Variants in BRINP1 observed in about 807,000 individuals in gnomAD.
BRINP1 encodes BMP/retinoic acid inducible neural specific 1.
A neutral mutation model predicts 72.9 loss-of-function variants in BRINP1; 17 were observed. That is an observed-to-expected ratio of 0.23 (90% CI 0.16 to 0.35). The LOEUF (loss-of-function observed/expected upper bound fraction) is 0.35, where lower values mean the gene tolerates loss of function less well. BRINP1 is among the 10% of genes least tolerant of loss of function. The pLI, the probability that BRINP1 is intolerant of heterozygous loss-of-function variation, is 1.00. For synonymous variants in BRINP1, 418 were observed against 378.5 expected (o/e 1.10, Z -1.21); for missense variants, 850 against 1,001.6 (o/e 0.85, Z 2.04).
intron 2 of BRINP1, among the ~76,000 whole-genome samples, chr9:119,285,201 CAAAAAAAA>C (rs58381406): frequency 1.3e-3 from 152 of 121,150 alleles, no homozygotes; most frequent in South Asian, 5.3e-3. Flanking sequence ...TTGCAGGCAT[CAAAAAAAA>C]AAAAAAAAAA....
chr9:119,295,498 T>C (rs7046400), intron 2 of BRINP1, among the ~76,000 whole-genome samples: 1,792 of 152,296 alleles, frequency 0.012, 23 homozygotes, highest in African/African-American at 0.04. Context: ...GCAATTGTAA[T>C]ACAATGGTAA....
intron 3 of BRINP1, among the ~76,000 whole-genome samples, chr9:119,246,117 G>A (rs1830313922): frequency 6.6e-6 from 1 of 152,216 alleles, no homozygotes; most frequent in Admixed American, 6.5e-5. Context: ...GACTACTATT[G>A]TAACTATTTA....
At chr9:119,257,385 T>C (rs998008359) in intron 2 of BRINP1, among the ~76,000 whole-genome samples, 11 of 152,184 alleles carry the variant, frequency 7.2e-5, no homozygotes, top group African/African-American at 2.7e-4. Context: ...AGCAACTCCA[T>C]GAGGGGCAAA....
chr9:119,185,647 T>A (rs1378205608), intron 7 of BRINP1, among the ~76,000 whole-genome samples: 1 of 152,188 alleles, frequency 6.6e-6, no homozygotes, highest in African/African-American at 2.4e-5. Context: ...AAAAGCAGGA[T>A]GACTCTATAG....
chr9:119,303,716 A>G (rs1232672580), intron 2 of BRINP1, among the ~76,000 whole-genome samples: 1 of 152,118 alleles, frequency 6.6e-6, no homozygotes, highest in Non-Finnish European at 1.5e-5. Context: ...CCTACGCTAC[A>G]AAGCACACCA....
chr9:119,343,071 G>A lies in BRINP1; in HGVS notation c.-51+25985C>T, dbSNP rs897294755. Among the ~76,000 whole-genome samples, 7 of 152,300 alleles carry A rather than the reference G, an allele frequency of 4.6e-5. No homozygotes were observed. In the East Asian group the frequency reaches 1.4e-3, roughly 29 times the overall value. On this transcript the variant is annotated intron_variant, in intron 1 of 7. Transcript: ENST00000265922. ...CGTTAGCAGAGTGCCTGCAACATAG[G>A]AAGCATGCACTATAATGCTTCCATT...
chr9:119,343,927 T>G (rs1035033593), intron 1 of BRINP1, among the ~76,000 whole-genome samples: 1 of 151,224 alleles, frequency 6.6e-6, no homozygotes, highest in East Asian at 2.0e-4. Context: ...AATGTTCTCT[T>G]ACTAGACCTA....
intron 1 of BRINP1, among the ~76,000 whole-genome samples, chr9:119,314,208 CA>C (rs1831101625): frequency 6.6e-6 from 1 of 152,138 alleles, no homozygotes; most frequent in African/African-American, 2.4e-5. Flanking sequence ...GGGGGTCTCG[CA>C]TGCTTCTTTT....
intron 5 of BRINP1, among the ~76,000 whole-genome samples, chr9:119,226,461 A>G (rs1190345798): frequency 6.6e-6 from 1 of 151,992 alleles, no homozygotes; most frequent in Non-Finnish European, 1.5e-5. Context: ...ATGGCTACAT[A>G]CCAAGAAGTA....
At chr9:119,248,107 G>A (rs1311430702) in intron 3 of BRINP1, among the ~76,000 whole-genome samples, 1 of 152,156 alleles carries the variant, frequency 6.6e-6, no homozygotes, top group East Asian at 1.9e-4. Flanking sequence ...TGTCTCTGAA[G>A]GAGAAGATCC....
chr9:119,303,291 GACACACACACAC>G (rs35386714), intron 2 of BRINP1, among the ~76,000 whole-genome samples: 2 of 117,456 alleles, frequency 1.7e-5, no homozygotes, highest in South Asian at 3.0e-4. Context: ...CACACACACA[GACACACACACAC>G]ACACACACAC....
intron 1 of BRINP1, among the ~76,000 whole-genome samples, chr9:119,324,990 C>T (rs1247639090): frequency 2.0e-5 from 3 of 151,984 alleles, no homozygotes; most frequent in Non-Finnish European, 2.9e-5. Context: ...ATCCCAGCTA[C>T]TCGGGAGGCT....
At chr9:119,271,812 C>T (rs925055760) in intron 2 of BRINP1, among the ~76,000 whole-genome samples, 7 of 151,714 alleles carry the variant, frequency 4.6e-5, no homozygotes, top group South Asian at 2.1e-4. Flanking sequence ...CACACAAACA[C>T]GTGCAAATTT....
rs980669248 is a variant in BRINP1, at chr9:119,211,843, C to T, written c.922+2076G>A. ...TTTGGGGAGAAAGTGTGACATAAAT[C>T]ATTTTCTTGGCCTGTTCAGCTTATT... On this transcript the variant is annotated intron_variant, in intron 6 of 7. Coordinates refer to ENST00000265922, the MANE Select transcript of BRINP1 (RefSeq NM_014618.3). 7.2e-5 allele frequency among the ~76,000 whole-genome samples: 11 copies of T among 152,236 alleles called. No homozygotes were observed. In the South Asian group the frequency reaches 1.0e-3, roughly 14 times the overall value.
At chr9:119,318,043 C>T (rs144141958) in intron 1 of BRINP1, among the ~76,000 whole-genome samples, 1 of 152,306 alleles carries the variant, frequency 6.6e-6, no homozygotes, top group African/African-American at 2.4e-5. Context: ...GGAACGCAAC[C>T]TACAAATCTC....
chr9:119,168,211 A>C lies in BRINP1; in HGVS notation c.1159T>G (p.Trp387Gly). Residue 387 changes from tryptophan (W) to glycine (G), a missense_variant, in exon 8 of 8, where the codon TGG becomes GGG. Transcript: ENST00000265922. ...AGGAGTGACTGGACCCTTGCAAGCC[A>C]CTGCTGAATTGTCCTGGGAGATAAA... is the stretch of plus-strand genomic sequence containing the variant. Reference protein sequence around the residue: ...QLPRERTIQQWLARVQSLLYC... With the variant: ...QLPRERTIQQGLARVQSLLYC... 1 of 1,515,662 alleles carries C rather than the reference A, an allele frequency of 6.6e-7. No homozygotes were observed. The highest frequency in any genetic ancestry group is 8.8e-7 in the Non-Finnish European group (1 of 1,133,180). The allele number at this position is 1,515,662 out of a possible 1,614,324, so 93.9% of individuals were successfully genotyped here. A position where few individuals can be genotyped will look rare whatever the true frequency, so the allele number is the denominator to read the frequency against.
intron 2 of BRINP1, among the ~76,000 whole-genome samples, chr9:119,289,766 A>C (rs1830803491): frequency 6.6e-6 from 1 of 152,208 alleles, no homozygotes; most frequent in South Asian, 2.1e-4. Context: ...TTGGTTAATA[A>C]CTCATTGACC....
chr9:119,180,982 TGAG>T (rs1467605102), intron 7 of BRINP1, among the ~76,000 whole-genome samples: 1 of 152,090 alleles, frequency 6.6e-6, no homozygotes, highest in Non-Finnish European at 1.5e-5. Context: ...GGAGCCTAAT[TGAG>T]GAGGATTACG....
intron 2 of BRINP1, among the ~76,000 whole-genome samples, chr9:119,307,049 C>A (rs951412900): frequency 6.6e-6 from 1 of 151,932 alleles, no homozygotes. Flanking sequence ...CTCTACACAA[C>A]TGAAAGTATG....
Sources: gnomAD v4.1 joint callset for allele counts (sites outside exome capture counted in the v4.1 genomes callset) on GRCh38, gnomAD v4.1.1 for gene constraint, MANE v1.5 for transcripts, NCBI Gene and HGNC (gene_info 2026-07-23, HGNC 2026-07-21) for gene names.